MED16: variants seen among roughly 807,000 people sequenced by gnomAD.
MED16 encodes the protein mediator complex subunit 16.
A neutral mutation model predicts 84.4 loss-of-function variants in MED16; 81 were observed. That is an observed-to-expected ratio of 0.96 (90% confidence interval 0.80 to 1.15). The LOEUF (loss-of-function observed/expected upper bound fraction) is 1.15. MED16 is among the 50% of genes most tolerant of loss of function. The probability of loss-of-function intolerance (pLI) is 0.00; values close to 1 mark genes in which losing one functional copy is unlikely to be tolerated. For missense variants in MED16, 1,585 were observed against 1,245.9 expected (o/e 1.27, Z -4.10); for synonymous variants, 897 against 552.2 (o/e 1.62, Z -8.76).
Position 884,976 on chromosome 19 carries a change from G to A in MED16, c.912C>T (p.Ser304=), listed in dbSNP as rs770473326. The A allele has an allele frequency of 4.4e-6, 7 of 1,607,666 alleles. No individual in the cohort carries two copies. The highest frequency in any genetic ancestry group is 1.6e-4 in the Middle Eastern group (1 of 6,080). Residue 304 remains serine (S), a synonymous_variant, in exon 6 of 16, where the codon AGC becomes AGT. Coordinates refer to ENST00000325464, the MANE Select transcript of MED16 (RefSeq NM_005481.3). ...TGCGCAGGGACCAGCACTCCACGAT[G>A]CTGCTGGTCTGGCTGGACGCGCACA... is the stretch of plus-strand genomic sequence containing the variant. ...VLLCASSQTS[S]IVECWSLRKE... is the part of the protein sequence containing the mutation.
intron 13 of MED16, among the ~76,000 whole-genome samples, chr19:870,633 G>C (rs1317399236): frequency 6.6e-6 from 1 of 151,616 alleles, no homozygotes; most frequent in Non-Finnish European, 1.5e-5. Flanking sequence ...GGTGGTTCGT[G>C]ACACAGCAGA....
chr19:881,813 G>T, intron 6 of MED16, 99 bp from the exon 7 acceptor site: 1 of 1,433,578 alleles, frequency 7.0e-7, no homozygotes. Context: ...ACCTGCCCAG[G>T]GCCCTTCCCA....
intron 8 of MED16, 90 bp from the exon 9 acceptor site, chr19:877,270 G>A (rs1202074140): frequency 1.6e-6 from 2 of 1,223,530 alleles, no homozygotes; most frequent in Middle Eastern, 2.6e-4. Flanking sequence ...TGCGGCACGT[G>A]TGTGGATCTG....
At chr19:874,987 A>AC (rs1211281913) in intron 10 of MED16, among the ~76,000 whole-genome samples, 1 of 150,064 alleles carries the variant, frequency 6.7e-6, no homozygotes, top group Non-Finnish European at 1.5e-5. Context: ...ACATGGTGAA[A>AC]CCCCGTCTCT....
At chr19:873,734 T>C (rs991521566) in intron 10 of MED16, 152 bp from the exon 11 acceptor site, 8 of 935,318 alleles carry the variant, frequency 8.6e-6, no homozygotes, top group African/African-American at 1.6e-5. Flanking sequence ...GGCGATGGCG[T>C]TGCCGGACGG....
rs752905296 is a variant in MED16 at position 886,093 on chromosome 19, C to T, written c.556G>A (p.Gly186Ser). 23 of 1,591,240 alleles carry T rather than the reference C, an allele frequency of 1.4e-5. No individual in the cohort carries two copies. In the East Asian group the frequency reaches 2.7e-4, roughly 19 times the overall value. Reference protein sequence around the residue: ...MEGWIAVTVSGLVTVSLLKPS... With the variant: ...MEGWIAVTVSSLVTVSLLKPS... The stretch of plus-strand genomic sequence containing the variant: ...TTCAGCAGGGACACGGTGACCAGGC[C>T]GCTGACCGTCACCGCGATCCAGCCC... Residue 186 changes from glycine (G) to serine (S), a missense_variant, in exon 5 of 16, where the codon GGC (glycine) becomes AGC (serine). Physicochemically the swap from Gly to Ser is moderately conservative, Grantham distance 56 (BLOSUM62 0). Transcript: ENST00000325464.
rs1286513055 is a variant in MED16 at position 873,553 on chromosome 19, T to A, written c.1801A>T (p.Thr601Ser). The A allele has an allele frequency of 6.2e-7, 1 of 1,612,366 alleles. No individual in the cohort carries two copies. The highest frequency in any genetic ancestry group is 1.1e-5 in the South Asian group (1 of 91,072). ...TTCATGTCCAGCACAAATTCCTCCG[T>A]CTTGAGGTTGATCATGACCTTGTCA... ...DIDKVMINLK[T>S]EEFVLDMNTL... Residue 601 changes from threonine (T) to serine (S), a missense_variant, in exon 11 of 16, where the codon ACG becomes TCG. Physicochemically the swap from Thr to Ser is moderately conservative, Grantham distance 58 (BLOSUM62 1). Coordinates refer to ENST00000325464, the MANE Select transcript of MED16 (RefSeq NM_005481.3).
chr19:882,345 C>CA (rs201868030), intron 6 of MED16, among the ~76,000 whole-genome samples: 1,797 of 151,802 alleles, frequency 0.012, 34 homozygotes, highest in African/African-American at 0.04. Flanking sequence ...CCATTCTCTA[C>CA]AAAAAAAACA....
intron 5 of MED16, 88 bp from the exon 6 acceptor site, chr19:885,096 CA>C: frequency 2.0e-6 from 2 of 995,942 alleles, no homozygotes; most frequent in Non-Finnish European, 3.0e-6. Flanking sequence ...ACCCTGGGGC[CA>C]CGCACTGCTG....
intron 13 of MED16, 83 bp from the exon 14 acceptor site, chr19:869,029 G>A (rs1392137274): frequency 6.4e-6 from 8 of 1,256,886 alleles, no homozygotes; most frequent in Admixed American, 5.4e-5. Flanking sequence ...ACAGGCGGGG[G>A]TGGAGGGAAT....
chr19:885,082 C>T (rs573562486), intron 5 of MED16, 74 bp from the exon 6 acceptor site: 191 of 1,210,342 alleles, frequency 1.6e-4, no homozygotes, highest in East Asian at 3.3e-4. Context: ...GCCTGAGCTG[C>T]GGGACCCTGG....
At chr19:869,500 C>T (rs993972985) in intron 13 of MED16, among the ~76,000 whole-genome samples, 6 of 152,170 alleles carry the variant, frequency 3.9e-5, no homozygotes, top group Admixed American at 6.5e-5. Flanking sequence ...GTTTACAAGC[C>T]TCTGACGTAA....
chr19:881,398 C>T (rs2145231390), intron 7 of MED16, among the ~76,000 whole-genome samples, 161 bp downstream of exon 7: 1 of 152,296 alleles, frequency 6.6e-6, no homozygotes, highest in East Asian at 1.9e-4. Context: ...TAATTGGGAA[C>T]CCATCAGAAC....
chr19:877,245 A>ATGGGGCCC (rs1555716063), intron 8 of MED16, 65 bp from the exon 9 acceptor site: 5 of 1,505,916 alleles, frequency 3.3e-6, no homozygotes, highest in East Asian at 2.4e-5. Flanking sequence ...CGGGAGAGGA[A>ATGGGGCCC]TGGGGCCCTG....
chr19:868,370 G>T, intron 15 of MED16, 46 bp downstream of exon 15: 2 of 1,575,114 alleles, frequency 1.3e-6, no homozygotes, highest in Non-Finnish European at 1.7e-6. Context: ...GGGGCAGCTG[G>T]GCTCAGGGGT....
At position 880,015 on chromosome 19, in the gene MED16, C is replaced by T. The variant is rs143367239; in HGVS notation, c.1275G>A (p.Ala425=). The T allele has an allele frequency of 3.0e-5, 49 of 1,610,164 alleles. No homozygotes were observed. Among genetic ancestry groups the T allele is most frequent in the Admixed American group, 8.4e-5 (5 of 59,730 alleles). Residue 425 remains alanine, a synonymous_variant, in exon 8 of 16, where the codon GCG becomes GCA. Transcript: ENST00000325464. The part of the protein sequence containing the change: ...DEPAMKRPRT[A]GPAVHLKAMQ... ...TAGCCTTTAAGTGGACGGCGGGGCC[C>T]GCGGTGCGGGGGCGCTTCATGGCCG... is the stretch of plus-strand genomic sequence containing the variant.
chr19:890,256 G>T lies in MED16; in HGVS notation c.170-12C>A. The T allele has an allele frequency of 6.6e-7, 1 of 1,521,504 alleles. No homozygotes were observed. The highest frequency in any genetic ancestry group is 1.2e-5 in the South Asian group (1 of 80,794). The allele number at this position is 1,521,504 out of a possible 1,614,324, so 94.3% of individuals were successfully genotyped here. ...CATGCGGGTCAGGTCTGTGGGGACG[G>T]GGCATGGTCAGCACGGCCTGGCACC... On this transcript the variant is annotated splice_polypyrimidine_tract_variant and intron_variant, in intron 2 of 15. Coordinates refer to ENST00000325464, the MANE Select transcript of MED16 (RefSeq NM_005481.3).
At chr19:872,418 G>A (rs951322830) in intron 11 of MED16, among the ~76,000 whole-genome samples, 4 of 152,016 alleles carry the variant, frequency 2.6e-5, no homozygotes, top group African/African-American at 4.8e-5. Context: ...AGGAGCAGCC[G>A]CCCCCTCCTA....
rs755678877 is a variant in MED16, at chr19:885,790, C to T, written c.859G>A (p.Ala287Thr). Reference protein sequence around the residue: ...FPAITHLKFLARDMSEQVLLC... With the variant: ...FPAITHLKFLTRDMSEQVLLC... ...TTCACCTGCTCCGACATGTCCCGGG[C>T]CAGGAACTTGAGGTGGGTGATGGCG... The change falls in exon 5 of 16, where the codon GCC (alanine) becomes ACC (threonine). Residue 287 changes from alanine (A) to threonine (T), a missense_variant. Ala to Thr is a moderately conservative substitution (Grantham distance 58). Coordinates refer to ENST00000325464, the MANE Select transcript of MED16 (RefSeq NM_005481.3). The T allele has an allele frequency of 1.7e-5, 28 of 1,610,642 alleles. No individual in the cohort carries two copies. The African/African-American group carries it at 3.2e-4, about 18-fold the overall frequency.
Sources: allele counts gnomAD v4.1 joint callset (sites outside exome capture counted in the v4.1 genomes callset), GRCh38; gene constraint gnomAD v4.1.1; transcripts MANE v1.5; gene names NCBI Gene and HGNC (gene_info 2026-07-23, HGNC 2026-07-21).